Variants in MUC5B observed in about 807,000 individuals in gnomAD.
MUC5B encodes the protein mucin-5B.
MUC5B carries 116 observed loss-of-function variants against 376.9 expected under a neutral mutation model. The observed-to-expected ratio is 0.31, with a 90% confidence interval of 0.26 to 0.36. The LOEUF is 0.36. Among genes scored for constraint, MUC5B ranks in the 10% least tolerant of loss-of-function variants. The probability of loss-of-function intolerance (pLI) is 1.00; values close to 1 mark genes in which losing one functional copy is unlikely to be tolerated. For missense variants in MUC5B, 7,165 were observed against 7,769.9 expected (o/e 0.92, Z 2.93); for synonymous variants, 3,517 against 3,390.9 (o/e 1.04, Z -1.29).
At chr11:1,256,869 C>G in intron 39 of MUC5B, 98 bp downstream of exon 39, 2 of 963,096 alleles carry the variant, frequency 2.1e-6, no homozygotes, top group East Asian at 5.3e-5. Context: ...GCTCTCCCCT[C>G]TCCCCAGCTG....
At position 1,225,736 on chromosome 11, in the gene MUC5B, C is replaced by A. The variant is rs761751705; in HGVS notation, c.126C>A (p.Gly42=). 2.5e-6 allele frequency: 4 copies of A among 1,604,074 alleles called. No individual in the cohort carries two copies. The highest frequency in any genetic ancestry group is 2.6e-6 in the Non-Finnish European group (3 of 1,176,006). ...AGAATGCAGGGCACACCATGGATGG[C>A]GGTATGTGGCCAGGTTCGGGGGTGG... ...SWENAGHTMD[G]GAPTSSPTRR... Residue 42 remains glycine (G), a splice_region_variant and synonymous_variant, in exon 2 of 49, where the codon GGC becomes GGA. Transcript: ENST00000529681.
intron 26 of MUC5B, 100 bp downstream of exon 26, chr11:1,239,127 C>A (rs1464063898): frequency 1.4e-6 from 2 of 1,392,014 alleles, no homozygotes; most frequent in South Asian, 2.5e-5. Flanking sequence ...GCCTGAGCCG[C>A]ACACAGACAT....
At position 1,247,202 on chromosome 11, in the gene MUC5B, C is replaced by T; in HGVS notation, c.10322C>T (p.Thr3441Ile). The T allele has an allele frequency of 6.4e-7, 1 of 1,569,432 alleles. No individual in the cohort carries two copies. The highest frequency in any genetic ancestry group is 8.7e-7 in the Non-Finnish European group (1 of 1,143,336). Residue 3441 changes from threonine (T) to isoleucine (I), a missense_variant, in exon 31 of 49, where the codon ACC becomes ATC. This residue lies in a region of MUC5B where 939 missense variants were observed against 770.6 expected (regional missense o/e 1.22). Coordinates refer to ENST00000529681, the MANE Select transcript of MUC5B (RefSeq NM_002458.3). ...STVTPSSALG[T>I]THTPPVPNTT... is the part of the protein sequence containing the mutation. The stretch of plus-strand genomic sequence containing the variant: ...GTGACTCCCTCCTCTGCCCTAGGGA[C>T]CACCCACACACCCCCAGTGCCGAAC...
intron 13 of MUC5B, 112 bp from the exon 14 acceptor site, chr11:1,231,311 C>A: frequency 1.5e-6 from 2 of 1,308,602 alleles, no homozygotes; most frequent in South Asian, 1.5e-5. Context: ...ACTCCTGGGT[C>A]TCACTCCCGG....
chr11:1,232,810 G>A (rs1226126756), intron 17 of MUC5B, 40 bp downstream of exon 17: 4 of 1,543,194 alleles, frequency 2.6e-6, no homozygotes, highest in South Asian at 2.4e-5. Flanking sequence ...TCCACACCGC[G>A]TGGGGGTGCG....
At position 1,261,980 on chromosome 11, in the gene MUC5B, G is replaced by A. The variant is rs1454982983; in HGVS notation, c.*372G>A. ...CAGCTGGCCACGTCCGGCCGCTGGG[G>A]CAGACAGGCTGGTCCAGGCAAGGCC... On this transcript the variant is annotated 3_prime_UTR_variant, in exon 49 of 49. Transcript: ENST00000529681. The A allele has an allele frequency of 2.0e-6, 1 of 492,466 alleles. No homozygotes were observed. The allele number at this position is 492,466 out of a possible 1,614,324, so 30.5% of individuals were successfully genotyped here.
chr11:1,246,798 C>T lies in MUC5B; in HGVS notation c.9918C>T (p.Thr3306=). 6.2e-7 allele frequency: 1 copy of T among 1,607,852 alleles called. No individual in the cohort carries two copies. Among genetic ancestry groups the T allele is most frequent in the East Asian group, 2.2e-5 (1 of 44,816 alleles). Residue 3306 remains threonine, a synonymous_variant, in exon 31 of 49, where the codon ACC becomes ACT. Coordinates refer to ENST00000529681, the MANE Select transcript of MUC5B (RefSeq NM_002458.3). ...PSSTPGTAHT[T]KVPTTTTTGF... ...CCACCCCAGGAACAGCTCACACTAC[C>T]AAAGTGCCGACTACCACAACCACGG...
chr11:1,254,430 C>A (rs993476742), intron 34 of MUC5B, 79 bp downstream of exon 34: 14 of 1,550,936 alleles, frequency 9.0e-6, no homozygotes, highest in Non-Finnish European at 1.2e-5. Context: ...GCCGGGGTGA[C>A]CCAGGTGCCG....
chr11:1,240,392 T>G lies in MUC5B; in HGVS notation c.3970+17T>G. 1 of 1,578,802 alleles carries G rather than the reference T, an allele frequency of 6.3e-7. No individual in the cohort carries two copies. The highest frequency in any genetic ancestry group is 8.6e-7 in the Non-Finnish European group (1 of 1,157,822). On this transcript the variant is annotated intron_variant, in intron 30 of 48. Coordinates refer to ENST00000529681, the MANE Select transcript of MUC5B (RefSeq NM_002458.3). ...CCACGACAAGTAAGCCCTGCCTGGC[T>G]CTCCTGAGGCCCAGTACCGTCTGGG...
At position 1,250,998 on chromosome 11, in the gene MUC5B, C is replaced by A. The variant is rs1267389020; in HGVS notation, c.14118C>A (p.Thr4706=). ...PSSTPGTTPI[T]PVLTSTATTP... is the part of the protein sequence containing the mutation. The stretch of plus-strand genomic sequence containing the variant: ...CAACTCCAGGGACAACACCCATCAC[C>A]CCAGTGCTGACCAGCACGGCCACCA... The change falls in exon 31 of 49, where the codon ACC becomes ACA. Residue 4706 remains threonine (T), a synonymous_variant. Coordinates refer to ENST00000529681, the MANE Select transcript of MUC5B (RefSeq NM_002458.3). 1.2e-6 allele frequency: 2 copies of A among 1,610,920 alleles called. No individual in the cohort carries two copies. Among genetic ancestry groups the A allele is most frequent in the East Asian group, 4.5e-5 (2 of 44,862 alleles).
In MUC5B at chr11:1,230,918, G is replaced by A. The variant is rs376612143; in HGVS notation, c.1471-18G>A. On this transcript the variant is annotated intron_variant, in intron 12 of 48. Transcript: ENST00000529681. ...GGTTCCTCCCCAGAGCTGACCTCCCGCCCGCCTCCTTCCGCAGGCCATCCG... is the reference window on the plus strand; with the variant it reads ...GGTTCCTCCCCAGAGCTGACCTCCCACCCGCCTCCTTCCGCAGGCCATCCG... 2 of 1,574,808 alleles carry A rather than the reference G, an allele frequency of 1.3e-6. No homozygotes were observed. Among genetic ancestry groups the A allele is most frequent in the Admixed American group, 1.8e-5 (1 of 55,114 alleles).
intron 17 of MUC5B, 49 bp downstream of exon 17, chr11:1,232,819 CG>C: frequency 1.3e-6 from 2 of 1,530,130 alleles, no homozygotes. Context: ...CGTGGGGGTG[CG>C]GGGGACCCTG....
In MUC5B at chr11:1,258,075, A is replaced by G; in HGVS notation, c.16451-24A>G. 6.4e-7 allele frequency: 1 copy of G among 1,553,306 alleles called. No homozygotes were observed. The stretch of plus-strand genomic sequence containing the variant: ...GGGAGGAGGAGTGAGCAGCGCCCAG[A>G]CAGTGGCCTCCATCCTCCCGCAGTG... On this transcript the variant is annotated intron_variant, in intron 41 of 48. Transcript: ENST00000529681. This position sits in a 1 kb window ranked among gnomAD's most constrained non-coding sequence, Gnocchi z 5.5.
At chr11:1,228,817 G>A in intron 8 of MUC5B, 52 bp downstream of exon 8, 2 of 1,434,172 alleles carry the variant, frequency 1.4e-6, no homozygotes, top group Non-Finnish European at 9.2e-7. Context: ...GAAGGGGCAG[G>A]GGGAGCGCCT....
At chr11:1,239,970 TG>T (rs1433481841) in intron 28 of MUC5B, 27 bp downstream of exon 28, 3 of 1,611,010 alleles carry the variant, frequency 1.9e-6, no homozygotes, top group Admixed American at 3.3e-5. Context: ...CGGGTGGCGC[TG>T]GGGGAGCAGG....
Position 1,241,953 on chromosome 11 carries a change from C to T in MUC5B, c.5073C>T (p.Ser1691=). Residue 1691 remains serine, a synonymous_variant, in exon 31 of 49, where the codon TCC becomes TCT. Transcript: ENST00000529681. ...CCACTGTCCCAGGGGTGGCCACATC[C>T]ACCCTTCCAACACGCTCAGCCCTTC... ...TEPTVPGVAT[S]TLPTRSALPG... is the part of the protein sequence containing the mutation. The T allele has an allele frequency of 1.2e-6, 2 of 1,605,622 alleles. No homozygotes were observed. Among genetic ancestry groups the T allele is most frequent in the East Asian group, 2.3e-5 (1 of 44,280 alleles).
At position 1,250,133 on chromosome 11, in the gene MUC5B, C is replaced by A; in HGVS notation, c.13253C>A (p.Thr4418Asn). The change falls in exon 31 of 49, where the codon ACC (threonine) becomes AAC (asparagine). Residue 4418 changes from threonine to asparagine, a missense_variant. Around this residue, in one of 31 missense-constraint regions of MUC5B, gnomAD observed 431 missense variants for 390.4 expected, o/e 1.10. Coordinates refer to ENST00000529681, the MANE Select transcript of MUC5B (RefSeq NM_002458.3). ...ACCCCGTCCTCCACCCCAGGGACCACCTGGATCCTCACAGAGCTGACCACA... is the reference window on the plus strand; with the variant it reads ...ACCCCGTCCTCCACCCCAGGGACCAACTGGATCCTCACAGAGCTGACCACA... ...TATPSSTPGT[T>N]WILTELTTTA... is the part of the protein sequence containing the mutation. 1 of 1,610,782 alleles carries A rather than the reference C, an allele frequency of 6.2e-7. No individual in the cohort carries two copies. The highest frequency in any genetic ancestry group is 8.5e-7 in the Non-Finnish European group (1 of 1,178,158).
rs1466038572 is a variant in MUC5B at position 1,229,291 on chromosome 11, C to G, written c.1098C>G (p.Pro366=). Residue 366 remains proline, a synonymous_variant, in exon 9 of 49, where the codon CCC becomes CCG. Coordinates refer to ENST00000529681, the MANE Select transcript of MUC5B (RefSeq NM_002458.3). ...ACTGTGTGGACGGCTGCTTCTGCCC[C>G]CCAGGCAGGTCTTGTGTGCCCTGAA... ...EDHCVDGCFC[P]PGTVLDDITH... 1 of 1,572,944 alleles carries G rather than the reference C, an allele frequency of 6.4e-7. No individual in the cohort carries two copies. The highest frequency in any genetic ancestry group is 1.7e-4 in the Middle Eastern group (1 of 6,008).
intron 46 of MUC5B, 80 bp downstream of exon 46, chr11:1,260,165 C>T (rs1395115144): frequency 1.3e-6 from 2 of 1,542,760 alleles, no homozygotes; most frequent in African/African-American, 1.4e-5. Context: ...ATGCCCTGCA[C>T]AGCAGGGAGG....
Sources: allele counts gnomAD v4.1 joint callset, GRCh38; gene constraint gnomAD v4.1.1; regional missense constraint gnomAD v4.1.1; non-coding constraint Gnocchi (gnomAD v3.1); transcripts MANE v1.5; gene names NCBI Gene and HGNC (gene_info 2026-07-23, HGNC 2026-07-21).